Variants in WDR7 observed in about 807,000 individuals in gnomAD.
WDR7 encodes WD repeat-containing protein 7.
A neutral mutation model predicts 169.4 loss-of-function variants in WDR7; 46 were observed. The observed-to-expected ratio is 0.27, with a 90% CI of 0.21 to 0.35. The LOEUF (loss-of-function observed/expected upper bound fraction) is 0.35, where lower values mean the gene tolerates loss of function less well. Among genes scored for constraint, WDR7 ranks in the 10% least tolerant of loss-of-function variants. WDR7 has a pLI of 1.00. For synonymous variants in WDR7, 612 were observed against 666.8 expected (o/e 0.92, Z 1.27); for missense variants, 1,534 against 1,859.3 (o/e 0.83, Z 3.22).
chr18:56,929,495 A>T (rs2046852345), intron 22 of WDR7, among the ~76,000 whole-genome samples: 1 of 152,216 alleles, frequency 6.6e-6, no homozygotes, highest in African/African-American at 2.4e-5. Context: ...ACATCATCTG[A>T]TCCAGTATCC....
chr18:56,964,513 G>A (rs1198805110), intron 26 of WDR7, among the ~76,000 whole-genome samples: 3 of 152,012 alleles, frequency 2.0e-5, no homozygotes, highest in Non-Finnish European at 4.4e-5. Context: ...AGCCTCCCGA[G>A]TAGTTGGGAT....
At chr18:57,025,481 G>A (rs926216123) in intron 27 of WDR7, among the ~76,000 whole-genome samples, 4 of 152,160 alleles carry the variant, frequency 2.6e-5, no homozygotes, top group Admixed American at 1.3e-4. Context: ...AAAGAAACAC[G>A]CTTCTGAAAG....
chr18:56,657,475 G>A (rs916232718), intron 1 of WDR7, among the ~76,000 whole-genome samples: 2 of 152,144 alleles, frequency 1.3e-5, no homozygotes, highest in African/African-American at 4.8e-5. Context: ...AGTGAGGTTT[G>A]TAGGTTCTGT....
At chr18:56,840,286 A>G (rs1480068474) in intron 20 of WDR7, among the ~76,000 whole-genome samples, 2 of 152,140 alleles carry the variant, frequency 1.3e-5, no homozygotes, top group South Asian at 4.1e-4. Context: ...TGGAAGAGCA[A>G]TGGAAAACTA....
chr18:56,889,150 G>T (rs1311771175), intron 21 of WDR7, among the ~76,000 whole-genome samples: 1 of 152,198 alleles, frequency 6.6e-6, no homozygotes, highest in African/African-American at 2.4e-5. Context: ...ACAGACACAA[G>T]AACTTAGGGA....
intron 12 of WDR7, among the ~76,000 whole-genome samples, chr18:56,701,302 G>A (rs1339439814): frequency 2.0e-5 from 3 of 152,110 alleles, no homozygotes; most frequent in Non-Finnish European, 4.4e-5. Context: ...GAGAGGTGTT[G>A]GAATCTGTGG....
At chr18:56,798,033 T>C (rs1421093450) in intron 19 of WDR7, among the ~76,000 whole-genome samples, 3 of 152,206 alleles carry the variant, frequency 2.0e-5, no homozygotes, top group Non-Finnish European at 4.4e-5. Flanking sequence ...ATTTTGGAAA[T>C]GTTTCTGTAA....
intron 26 of WDR7, among the ~76,000 whole-genome samples, chr18:57,003,385 T>C (rs2048009792): frequency 6.6e-6 from 1 of 152,102 alleles, no homozygotes; most frequent in Non-Finnish European, 1.5e-5. Flanking sequence ...AAAGGAAATG[T>C]TGTTACTTTT....
At chr18:56,831,985 A>G (rs1223512560) in intron 20 of WDR7, among the ~76,000 whole-genome samples, 4 of 152,098 alleles carry the variant, frequency 2.6e-5, no homozygotes, top group Non-Finnish European at 5.9e-5. Flanking sequence ...ACATCAGCAC[A>G]TCAGAACCGT....
chr18:56,776,169 A>G (rs748255483), intron 16 of WDR7, among the ~76,000 whole-genome samples: 1 of 150,702 alleles, frequency 6.6e-6, no homozygotes, highest in Non-Finnish European at 1.5e-5. Context: ...CATAGGGAGT[A>G]TTTGTGAAAT....
chr18:56,696,587 C>G, intron 12 of WDR7, 125 bp downstream of exon 12: 1 of 858,732 alleles, frequency 1.2e-6, no homozygotes, highest in Non-Finnish European at 1.7e-6. Flanking sequence ...AAAACCCTTT[C>G]AATTTTAAAA....
intron 20 of WDR7, among the ~76,000 whole-genome samples, chr18:56,818,447 T>C (rs1165016640): frequency 1.3e-5 from 2 of 152,196 alleles, no homozygotes; most frequent in Non-Finnish European, 2.9e-5. Context: ...GTAAGTTTGG[T>C]TAAACATATG....
intron 7 of WDR7, 34 bp from the exon 8 acceptor site, chr18:56,691,182 T>C: frequency 6.3e-7 from 1 of 1,589,430 alleles, no homozygotes; most frequent in Non-Finnish European, 8.5e-7. Flanking sequence ...TACAACAATA[T>C]GGAGTAGATT....
intron 14 of WDR7, among the ~76,000 whole-genome samples, chr18:56,754,730 C>T (rs2043856854): frequency 6.6e-6 from 1 of 152,078 alleles, no homozygotes; most frequent in Admixed American, 6.6e-5. Flanking sequence ...AGGTGGTTTC[C>T]AATTTAAAAT....
At chr18:56,989,670 T>C (rs1455523769) in intron 26 of WDR7, among the ~76,000 whole-genome samples, 1 of 152,230 alleles carries the variant, frequency 6.6e-6, no homozygotes, top group Admixed American at 6.5e-5. Flanking sequence ...TTTTGGTGCT[T>C]ATTTTTTAAA....
intron 18 of WDR7, among the ~76,000 whole-genome samples, chr18:56,780,286 C>T (rs1319788053): frequency 1.3e-5 from 2 of 152,072 alleles, no homozygotes; most frequent in African/African-American, 4.8e-5. Context: ...TTATGGCATT[C>T]GACCTGTATA....
intron 19 of WDR7, among the ~76,000 whole-genome samples, chr18:56,814,608 A>T (rs1177683284): frequency 6.6e-6 from 1 of 152,138 alleles, no homozygotes; most frequent in East Asian, 1.9e-4. Flanking sequence ...GGACACAAAG[A>T]AGGGAACAAC....
At chr18:56,862,345 G>T (rs546610624) in intron 20 of WDR7, among the ~76,000 whole-genome samples, 1 of 151,406 alleles carries the variant, frequency 6.6e-6, no homozygotes, top group East Asian at 1.9e-4. Flanking sequence ...TGAATTAACG[G>T]TATATGAATA....
At chr18:57,035,797 T>C in the WDR7 span, 1 of 152,232 alleles carries the variant, frequency 6.6e-6, no homozygotes. Context: ...TCTTTGGATC[T>C]AATAAAACAT....
Sources: allele counts gnomAD v4.1 joint callset (sites outside exome capture counted in the v4.1 genomes callset), GRCh38; gene constraint gnomAD v4.1.1; transcripts MANE v1.5; gene names NCBI Gene and HGNC (gene_info 2026-07-23, HGNC 2026-07-21).